The following AFDN variants were observed in gnomAD, a reference collection of about 807,000 sequenced individuals.
AFDN encodes the protein afadin, adherens junction formation factor, also known as afadin.
A neutral mutation model predicts 216.6 loss-of-function variants in AFDN; 68 were observed. That is an observed-to-expected ratio of 0.31 (90% CI 0.26 to 0.38). The LOEUF (loss-of-function observed/expected upper bound fraction) is 0.38. Ranked by LOEUF, AFDN falls within the 10% of genes least tolerant of loss-of-function variation. The pLI is 1.00. For missense variants in AFDN, 2,136 were observed against 2,342.0 expected, an observed-to-expected ratio of 0.91 and a Z score of 1.82; for synonymous variants, 868 against 853.7, an observed-to-expected ratio of 1.02 and a Z score of -0.29.
chr6:167,937,735 G>A lies in AFDN; in HGVS notation c.3100-5394G>A, dbSNP rs371541899. 1.6e-3 allele frequency among the ~76,000 whole-genome samples: 238 copies of A among 152,238 alleles called. 3 individuals carry two copies. The highest frequency in any genetic ancestry group is 2.4e-3 in the Non-Finnish European group (166 of 68,014). On this transcript the variant is annotated intron_variant, in intron 23 of 33. Coordinates refer to ENST00000683244, the MANE Select transcript of AFDN (RefSeq NM_001386888.1). ...TGGATTTGAGTTCCCTTCCTAAAAG[G>A]GCACATTGGGTGCCAGAGCCTGAAG...
At chr6:167,846,050 C>G (rs1426065572) in intron 1 of AFDN, among the ~76,000 whole-genome samples, 1 of 152,100 alleles carries the variant, frequency 6.6e-6, no homozygotes, top group Non-Finnish European at 1.5e-5. Flanking sequence ...CCTCCATGAT[C>G]CAATCACTTC....
chr6:167,907,688 G>A (rs1268353984), intron 13 of AFDN, among the ~76,000 whole-genome samples: 1 of 152,062 alleles, frequency 6.6e-6, no homozygotes, highest in Non-Finnish European at 1.5e-5. Flanking sequence ...GATCAAAAAT[G>A]ATTTTGAAAC....
intron 11 of AFDN, among the ~76,000 whole-genome samples, chr6:167,901,642 G>T (rs1239951349): frequency 2.0e-5 from 3 of 152,058 alleles, no homozygotes; most frequent in African/African-American, 7.2e-5. Flanking sequence ...GAAGCTCACC[G>T]CTGTTCCTCA....
At position 167,962,884 on chromosome 6, in the gene AFDN, C is replaced by G; in HGVS notation, c.4968+317C>G. ...GGCACTCATCTTTACTGAACATGGC[C>G]CAGCTTGTCATTGTGAAGGTGACAT... is the stretch of plus-strand genomic sequence containing the variant. On this transcript the variant is annotated intron_variant, in intron 31 of 33. Coordinates refer to ENST00000683244, the MANE Select transcript of AFDN (RefSeq NM_001386888.1). This position sits in a 1 kb window ranked among gnomAD's most constrained non-coding sequence, Gnocchi z 5.2. 8.5e-7 allele frequency: 1 copy of G among 1,175,886 alleles called. No individual in the cohort carries two copies. The highest frequency in any genetic ancestry group is 1.1e-6 in the Non-Finnish European group (1 of 944,984). The allele number at this position is 1,175,886 out of a possible 1,614,324, so 72.8% of individuals were successfully genotyped here. A position where few individuals can be genotyped will look rare whatever the true frequency, so the allele number is the denominator to read the frequency against.
intron 1 of AFDN, among the ~76,000 whole-genome samples, chr6:167,843,124 C>T (rs188097254): frequency 6.6e-6 from 1 of 152,250 alleles, no homozygotes; most frequent in East Asian, 1.9e-4. Flanking sequence ...ACTTATTGCT[C>T]CAGTATTCTC....
At chr6:167,897,028 T>C in intron 10 of AFDN, 56 bp downstream of exon 10, 1 of 939,462 alleles carries the variant, frequency 1.1e-6, no homozygotes, top group South Asian at 1.4e-5. Flanking sequence ...CATAACGTAT[T>C]GTACAGAGCC....
At chr6:167,922,816 A>G (rs374449642) in intron 21 of AFDN, 40 bp from the exon 22 acceptor site, 6 of 1,333,056 alleles carry the variant, frequency 4.5e-6, no homozygotes, top group African/African-American at 2.9e-5. Flanking sequence ...TCTTGACAAG[A>G]TGTGCTTTTT....
intron 2 of AFDN, 34 bp from the exon 3 acceptor site, chr6:167,870,352 C>A: frequency 2.2e-6 from 3 of 1,341,408 alleles, no homozygotes; most frequent in Admixed American, 1.9e-5. Flanking sequence ...ATAACCATAG[C>A]TTATTCTTTT....
chr6:167,868,760 ATC>A (rs1197440264), intron 2 of AFDN, among the ~76,000 whole-genome samples: 1 of 81,770 alleles, frequency 1.2e-5, no homozygotes, highest in African/African-American at 4.1e-5. Context: ...GCATTGTGCA[ATC>A]TTTTTTTTTT....
intron 13 of AFDN, among the ~76,000 whole-genome samples, chr6:167,908,878 C>G (rs1045434063): frequency 1.6e-4 from 24 of 152,098 alleles, no homozygotes; most frequent in African/African-American, 5.6e-4. Context: ...ATAATAAGCA[C>G]TACTTAATTT....
At chr6:167,882,178 AAAAG>A (rs1341306941) in intron 6 of AFDN, among the ~76,000 whole-genome samples, 2 of 152,146 alleles carry the variant, frequency 1.3e-5, no homozygotes, top group Admixed American at 6.5e-5. Context: ...GAATGCTGGA[AAAAG>A]AAACAGACGG....
At chr6:167,901,359 A>G (rs1420796876) in intron 11 of AFDN, among the ~76,000 whole-genome samples, 10 of 152,070 alleles carry the variant, frequency 6.6e-5, no homozygotes. Flanking sequence ...AGTGAGTTGC[A>G]TTCACCCTTC....
Position 167,896,950 on chromosome 6 carries a change from A to G in AFDN, c.1295A>G (p.Lys432Arg). 1 of 1,612,714 alleles carries G rather than the reference A, an allele frequency of 6.2e-7. No individual in the cohort carries two copies. The highest frequency in any genetic ancestry group is 1.1e-5 in the South Asian group (1 of 91,056). The change falls in exon 10 of 34, where the codon AAG becomes AGG. Residue 432 changes from lysine to arginine, a missense_variant. By Grantham distance (26) the Lys-to-Arg change is conservative. Transcript: ENST00000683244. ...QLSVTEVGTEKLDDNSIQLFG... is the reference protein window; with the variant it reads ...QLSVTEVGTERLDDNSIQLFG... ...AGTGTTACTGAAGTTGGGACAGAAA[A>G]GTTGGATGACAACTCTATCCAGGTA...
chr6:167,963,305 C>T (rs1022558102), intron 31 of AFDN: 125 of 1,063,358 alleles, frequency 1.2e-4, no homozygotes, highest in Non-Finnish European at 1.4e-4. Context: ...GGGCCTGTTT[C>T]ATCCCGAGGG....
intron 11 of AFDN, among the ~76,000 whole-genome samples, chr6:167,901,423 T>G (rs1341553813): frequency 6.6e-6 from 1 of 152,206 alleles, no homozygotes; most frequent in African/African-American, 2.4e-5. Flanking sequence ...TCAATCTTCA[T>G]AATGAGATTT....
chr6:167,931,899 T>A (rs941320616), intron 23 of AFDN, among the ~76,000 whole-genome samples: 1 of 152,200 alleles, frequency 6.6e-6, no homozygotes, highest in African/African-American at 2.4e-5. Flanking sequence ...CATATTCTGC[T>A]CCTGCCACTG....
At position 167,951,680 on chromosome 6, in the gene AFDN, A is replaced by C. The variant is rs1796001776; in HGVS notation, c.4326A>C (p.Arg1442Ser). ...RLEEERERKR[R>S]EQERKLGQMR... ...AGGAGGAGCGGGAGAGGAAGCGGAG[A>C]GAGCAGGAGAGGAAGTTGGGCCAGA... Residue 1442 changes from arginine to serine, a missense_variant, in exon 30 of 34, where the codon AGA (arginine) becomes AGC (serine). Around this residue, in one of 8 missense-constraint regions of AFDN, gnomAD observed 981 missense variants for 966.0 expected, o/e 1.02. Coordinates refer to ENST00000683244, the MANE Select transcript of AFDN (RefSeq NM_001386888.1). The surrounding 1 kb of genome is among the most constrained non-coding windows in gnomAD (Gnocchi z 7.1). 6.2e-7 allele frequency: 1 copy of C among 1,613,756 alleles called. No homozygotes were observed. The highest frequency in any genetic ancestry group is 1.3e-5 in the African/African-American group (1 of 74,876).
chr6:167,949,451 C>T (rs889896504), intron 29 of AFDN, among the ~76,000 whole-genome samples: 7 of 152,262 alleles, frequency 4.6e-5, no homozygotes, highest in South Asian at 4.2e-4. Flanking sequence ...TGTTTTCTGA[C>T]GGCAGAAAAT....
At chr6:167,934,230 A>AT (rs1249197650) in intron 23 of AFDN, among the ~76,000 whole-genome samples, 1 of 152,094 alleles carries the variant, frequency 6.6e-6, no homozygotes, top group African/African-American at 2.4e-5. Context: ...TTGGGTTTGT[A>AT]TTTTATACAA....
Sources: allele counts gnomAD v4.1 joint callset (sites outside exome capture counted in the v4.1 genomes callset), GRCh38; gene constraint gnomAD v4.1.1; regional missense constraint gnomAD v4.1.1; non-coding constraint Gnocchi (gnomAD v3.1); transcripts MANE v1.5; gene names NCBI Gene and HGNC (gene_info 2026-07-23, HGNC 2026-07-21).